WIPI1: variants seen among roughly 807,000 people sequenced by gnomAD.
The protein encoded by WIPI1 is WD repeat domain phosphoinositide-interacting protein 1.
WIPI1 carries 45 observed loss-of-function variants against 55.3 expected under a neutral mutation model. The ratio of observed to expected loss-of-function variants is 0.81; its 90% CI spans 0.64 to 1.04. WIPI1 has a LOEUF of 1.04. Ranked by LOEUF, WIPI1 falls within the 50% of genes least tolerant of loss-of-function variation. The probability of loss-of-function intolerance (pLI) is 0.00; values close to 1 mark genes in which losing one functional copy is unlikely to be tolerated. For missense variants in WIPI1, 445 were observed against 559.0 expected, an observed-to-expected ratio of 0.80 and a Z score of 2.06; for synonymous variants, 195 against 217.6, an observed-to-expected ratio of 0.90 and a Z score of 0.92.
chr17:68,443,384 A>G (rs992987069), intron 4 of WIPI1, among the ~76,000 whole-genome samples: 1 of 152,166 alleles, frequency 6.6e-6, no homozygotes, highest in Admixed American at 6.5e-5. Context: ...ATGTGCTGCG[A>G]TTATAGGTGT....
At chr17:68,448,290 C>T (rs1421070490) in intron 3 of WIPI1, 1 of 152,188 alleles carries the variant, frequency 6.6e-6, no homozygotes, top group Non-Finnish European at 1.5e-5. Context: ...AGCAAACCCC[C>T]AATACTTCCC....
chr17:68,438,936 A>G (rs906693596), intron 4 of WIPI1, among the ~76,000 whole-genome samples: 1 of 152,232 alleles, frequency 6.6e-6, no homozygotes, highest in Non-Finnish European at 1.5e-5. Context: ...TGTTAAAAAC[A>G]CGATGAGATA....
chr17:68,447,108 A>G (rs561857388), intron 3 of WIPI1, among the ~76,000 whole-genome samples: 1 of 152,288 alleles, frequency 6.6e-6, no homozygotes, highest in African/African-American at 2.4e-5. Context: ...TATAAGCAAT[A>G]ACTCCTTTTA....
At chr17:68,436,754 C>T (rs2083811187) in intron 4 of WIPI1, among the ~76,000 whole-genome samples, 1 of 152,122 alleles carries the variant, frequency 6.6e-6, no homozygotes, top group African/African-American at 2.4e-5. Context: ...CCTGTAATTC[C>T]AGCACTTTGA....
In WIPI1 at chr17:68,435,631, C is replaced by T; in HGVS notation, c.610G>A (p.Ala204Thr). 2 of 1,614,162 alleles carry T rather than the reference C, an allele frequency of 1.2e-6. No homozygotes were observed. Among genetic ancestry groups the T allele is most frequent in the Non-Finnish European group, 1.7e-6 (2 of 1,180,020 alleles). ...FNASGSKLAS[A>T]SEKGTVIRVF... ...GGGAGTGGACTCACTTTTTCAGACG[C>T]ACTTGCTAGTTTGGAGCCTGAGGCA... The change falls in exon 6 of 13, where the codon GCG (alanine) becomes ACG (threonine). Residue 204 changes from alanine (A) to threonine (T), a missense_variant. By Grantham distance (58) the Ala-to-Thr change is moderately conservative (BLOSUM62 0). Coordinates refer to ENST00000262139, the MANE Select transcript of WIPI1 (RefSeq NM_017983.7).
chr17:68,424,925 G>A (rs766499346), intron 12 of WIPI1, among the ~76,000 whole-genome samples: 4 of 152,212 alleles, frequency 2.6e-5, no homozygotes, highest in Non-Finnish European at 4.4e-5. Context: ...ATGATTTCAG[G>A]TTGACTATCT....
chr17:68,427,032 AC>A, intron 11 of WIPI1, 102 bp downstream of exon 11: 2 of 939,404 alleles, frequency 2.1e-6, no homozygotes, highest in South Asian at 3.0e-5. Flanking sequence ...AGGGCACTCC[AC>A]CCCCAGGTAA....
Position 68,430,046 on chromosome 17 carries a change from G to A in WIPI1, c.915C>T (p.Ala305=). Residue 305 remains alanine (A), a synonymous_variant, in exon 9 of 13, where the codon GCC becomes GCT. Coordinates refer to ENST00000262139, the MANE Select transcript of WIPI1 (RefSeq NM_017983.7). ...GTCCGGAGAAGTTCAAGCGTGCAGT[G>A]GCAAAAGCCCTGTCCTGATGCATCA... ...SDMMHQDRAF[A]TARLNFSGQR... is the part of the protein sequence containing the mutation. The A allele has an allele frequency of 1.2e-6, 2 of 1,614,202 alleles. No homozygotes were observed. Among genetic ancestry groups the A allele is most frequent in the Non-Finnish European group, 1.7e-6 (2 of 1,180,044 alleles).
rs189341956 is a variant in WIPI1 at position 68,435,565 on chromosome 17, C to T, written c.621+55G>A. The T allele has an allele frequency of 9.2e-5, 142 of 1,550,828 alleles. No homozygotes were observed. In the African/African-American group the frequency reaches 1.4e-3, roughly 16 times the overall value. On this transcript the variant is annotated intron_variant, in intron 6 of 12. Transcript: ENST00000262139. ...GTTTGTTCAATCCCATCCCTGCGCA[C>T]GGCAGGAGCCATCCAGCGAAACCCA...
intron 3 of WIPI1, among the ~76,000 whole-genome samples, chr17:68,449,619 C>T (rs761547102): frequency 3.9e-5 from 6 of 152,142 alleles, no homozygotes; most frequent in Non-Finnish European, 7.3e-5. Context: ...GTAGTACCCC[C>T]CACCCGTCTC....
At chr17:68,438,244 G>T (rs2083915796) in intron 4 of WIPI1, among the ~76,000 whole-genome samples, 2 of 69,152 alleles carry the variant, frequency 2.9e-5, no homozygotes, top group African/African-American at 9.0e-5. Context: ...GCACGTTCTG[G>T]CAGCCCTGCC....
chr17:68,447,312 C>G (rs1442568939), intron 3 of WIPI1, among the ~76,000 whole-genome samples: 1 of 152,164 alleles, frequency 6.6e-6, no homozygotes, highest in Non-Finnish European at 1.5e-5. Context: ...CAGTTCAATA[C>G]AAGAGAAATA....
chr17:68,436,864 C>T (rs1395818887), intron 4 of WIPI1, among the ~76,000 whole-genome samples: 1 of 151,958 alleles, frequency 6.6e-6, no homozygotes, highest in Admixed American at 6.6e-5. Flanking sequence ...CATGGTGGTG[C>T]GTGCCTATAG....
intron 1 of WIPI1, 107 bp downstream of exon 1, chr17:68,457,235 G>A (rs2084668367): frequency 2.9e-6 from 4 of 1,369,084 alleles, no homozygotes; most frequent in African/African-American, 1.5e-5. Context: ...CGGCCCTCCC[G>A]CCGAGGCCGC....
At chr17:68,453,624 A>G (rs2084572366) in intron 1 of WIPI1, among the ~76,000 whole-genome samples, 1 of 151,884 alleles carries the variant, frequency 6.6e-6, no homozygotes, top group Admixed American at 6.6e-5. Context: ...GATTACAGGC[A>G]TGCACCACCA....
intron 4 of WIPI1, among the ~76,000 whole-genome samples, chr17:68,437,562 A>C (rs114389135): frequency 2.6e-5 from 4 of 152,024 alleles, no homozygotes; most frequent in Non-Finnish European, 4.4e-5. Flanking sequence ...AAGAAAAAAA[A>C]AAAAAGAAAC....
At chr17:68,433,198 A>G (rs2083604772) in intron 8 of WIPI1, among the ~76,000 whole-genome samples, 1 of 152,272 alleles carries the variant, frequency 6.6e-6, no homozygotes, top group Non-Finnish European at 1.5e-5. Context: ...GAGGAAACTG[A>G]AGGACACAGA....
chr17:68,456,543 A>G (rs1379173869), intron 1 of WIPI1, among the ~76,000 whole-genome samples: 1 of 152,216 alleles, frequency 6.6e-6, no homozygotes, highest in Non-Finnish European at 1.5e-5. Flanking sequence ...AATCCTGCAG[A>G]TGCCTGAAAC....
Position 68,452,928 on chromosome 17 carries a change from C to T in WIPI1, c.145G>A (p.Asp49Asn). The T allele has an allele frequency of 6.2e-7, 1 of 1,614,020 alleles. No individual in the cohort carries two copies. Among genetic ancestry groups the T allele is most frequent in the Non-Finnish European group, 8.5e-7 (1 of 1,180,012 alleles). The change falls in exon 2 of 13, where the codon GAT becomes AAT. Residue 49 changes from aspartate (D) to asparagine (N), a missense_variant. By Grantham distance (23) the Asp-to-Asn change is conservative (BLOSUM62 1). Transcript: ENST00000262139. ...CACTTACTGCTTCCGTGGACTTGAT[C>T]CAGCTGCTCCACAGAACTCAGAGAA... Reference protein sequence around the residue: ...LFSLSSVEQLDQVHGSNEIPD... With the variant: ...LFSLSSVEQLNQVHGSNEIPD...
Sources: allele counts gnomAD v4.1 joint callset (sites outside exome capture counted in the v4.1 genomes callset), GRCh38; gene constraint gnomAD v4.1.1; transcripts MANE v1.5; gene names NCBI Gene and HGNC (gene_info 2026-07-23, HGNC 2026-07-21).